Variants in QTMAN observed in about 807,000 individuals in gnomAD.
QTMAN encodes the protein tRNA-queuosine alpha-mannosyltransferase.
the QTMAN span, among the ~76,000 whole-genome samples, chr2:144,306,009 C>T: frequency 6.6e-6 from 1 of 152,130 alleles, no homozygotes; most frequent in Non-Finnish European, 1.5e-5. Context: ...GATAGTTTTA[C>T]TTCTTTCCCA....
the QTMAN span, among the ~76,000 whole-genome samples, chr2:144,227,184 T>A: frequency 6.6e-6 from 1 of 152,186 alleles, no homozygotes; most frequent in African/African-American, 2.4e-5. Context: ...AATGACCTGT[T>A]TGCCTTTTGA....
chr2:144,253,814 CG>C, the QTMAN span, among the ~76,000 whole-genome samples: 4 of 151,864 alleles, frequency 2.6e-5, no homozygotes, highest in Non-Finnish European at 4.4e-5. Context: ...CAGAAATTTT[CG>C]TAAGTAACAA....
chr2:144,332,573 C>A, the QTMAN span: 1 of 149,184 alleles, frequency 6.7e-6, no homozygotes, highest in Non-Finnish European at 1.5e-5. Flanking sequence ...CCGCCTCGGC[C>A]TCCGGGCGCG....
At chr2:144,172,902 T>A in the QTMAN span, among the ~76,000 whole-genome samples, 1 of 152,098 alleles carries the variant, frequency 6.6e-6, no homozygotes, top group South Asian at 2.1e-4. Context: ...GGGGGTAACC[T>A]AATGCTCCAA....
At chr2:143,971,263 C>T in the QTMAN span, among the ~76,000 whole-genome samples, 12 of 151,998 alleles carry the variant, frequency 7.9e-5, no homozygotes, top group South Asian at 2.1e-4. Context: ...CCACAAGGAA[C>T]GCACAATTTA....
At chr2:144,121,433 C>T in the QTMAN span, among the ~76,000 whole-genome samples, 1 of 152,118 alleles carries the variant, frequency 6.6e-6, no homozygotes, top group Admixed American at 6.6e-5. Flanking sequence ...GTTGGCCACT[C>T]CCAGACTCCT....
At chr2:144,319,898 A>T in the QTMAN span, 1 of 152,230 alleles carries the variant, frequency 6.6e-6, no homozygotes, top group Non-Finnish European at 1.5e-5. Context: ...CACCAACAGC[A>T]TCGTCCTATA....
At chr2:144,137,084 A>G in the QTMAN span, among the ~76,000 whole-genome samples, 1 of 152,174 alleles carries the variant, frequency 6.6e-6, no homozygotes, top group Admixed American at 6.6e-5. Flanking sequence ...ACTGCACAAG[A>G]AAGGCTTTAG....
chr2:144,092,838 AT>A, the QTMAN span, among the ~76,000 whole-genome samples: 9 of 151,728 alleles, frequency 5.9e-5, no homozygotes, highest in Admixed American at 2.6e-4. Flanking sequence ...CTATCTATAA[AT>A]AAAAGACAAG....
At chr2:144,151,699 C>T in the QTMAN span, among the ~76,000 whole-genome samples, 1 of 152,188 alleles carries the variant, frequency 6.6e-6, no homozygotes, top group African/African-American at 2.4e-5. Context: ...CTCAATGATA[C>T]ATACACACAT....
At chr2:144,075,389 A>G in the QTMAN span, among the ~76,000 whole-genome samples, 1 of 152,248 alleles carries the variant, frequency 6.6e-6, no homozygotes, top group Non-Finnish European at 1.5e-5. Context: ...TTAATTAAGC[A>G]TGGGAATAAC....
chr2:144,298,968 TG>T, the QTMAN span, among the ~76,000 whole-genome samples: 1 of 152,214 alleles, frequency 6.6e-6, no homozygotes, highest in Non-Finnish European at 1.5e-5. Flanking sequence ...AGCCCATTAC[TG>T]CTGGGATCTT....
chr2:143,962,971 C>A, the QTMAN span, among the ~76,000 whole-genome samples: 1 of 152,066 alleles, frequency 6.6e-6, no homozygotes. Context: ...TGCAACTGCT[C>A]GGTCATAATT....
the QTMAN span, among the ~76,000 whole-genome samples, chr2:144,301,927 A>C: frequency 1.9e-4 from 29 of 152,338 alleles, no homozygotes; most frequent in African/African-American, 6.3e-4. Context: ...GGTATAAATA[A>C]GTGGAAGAGT....
chr2:144,072,627 C>T, the QTMAN span, among the ~76,000 whole-genome samples: 2 of 152,156 alleles, frequency 1.3e-5, no homozygotes, highest in Non-Finnish European at 2.9e-5. Context: ...TGCACCACTC[C>T]TTGAGAAAGG....
chr2:144,247,127 G>C, the QTMAN span, among the ~76,000 whole-genome samples: 1 of 152,154 alleles, frequency 6.6e-6, no homozygotes, highest in Non-Finnish European at 1.5e-5. Flanking sequence ...AAAAGGCAAA[G>C]GAAGTTCCTA....
At chr2:143,943,714 T>A in the QTMAN span, 21 of 152,378 alleles carry the variant, frequency 1.4e-4, no homozygotes, top group African/African-American at 5.0e-4. Context: ...GACTTATGGA[T>A]TCTGCCTGCC....
At chr2:144,011,280 T>C in the QTMAN span, among the ~76,000 whole-genome samples, 1 of 152,070 alleles carries the variant, frequency 6.6e-6, no homozygotes, top group Non-Finnish European at 1.5e-5. Flanking sequence ...AAAGCTAGTC[T>C]TGAATTAGGC....
chr2:144,286,316 T>C, the QTMAN span, among the ~76,000 whole-genome samples: 2 of 152,204 alleles, frequency 1.3e-5, no homozygotes, highest in Non-Finnish European at 2.9e-5. Flanking sequence ...GTTTGTCAAA[T>C]AGCAGTAAAT....
Sources: gnomAD v4.1 joint callset for allele counts (sites outside exome capture counted in the v4.1 genomes callset) on GRCh38, gnomAD v4.1.1 for gene constraint, MANE v1.5 for transcripts, NCBI Gene and HGNC (gene_info 2026-07-23, HGNC 2026-07-21) for gene names.